Variants in DENND2C observed in about 807,000 individuals in gnomAD.
DENND2C encodes DENN domain-containing protein 2C.
A neutral mutation model predicts 112.4 loss-of-function variants in DENND2C; 72 were observed. The ratio of observed to expected loss-of-function variants is 0.64; its 90% confidence interval spans 0.53 to 0.78. The LOEUF is 0.78. DENND2C is among the 30% of genes least tolerant of loss of function. The pLI is 0.00. For missense variants in DENND2C, 992 were observed against 1,113.8 expected, an observed-to-expected ratio of 0.89 and a Z score of 1.56; for synonymous variants, 329 against 381.6, an observed-to-expected ratio of 0.86 and a Z score of 1.61.
chr1:114,605,369 C>G (rs774844050), intron 10 of DENND2C, among the ~76,000 whole-genome samples: 3 of 152,150 alleles, frequency 2.0e-5, no homozygotes, highest in Non-Finnish European at 2.9e-5. Flanking sequence ...TAAATGGGAA[C>G]CCAGTATTTT....
At chr1:114,652,875 C>T (rs1388978417) in intron 2 of DENND2C, among the ~76,000 whole-genome samples, 5 of 151,614 alleles carry the variant, frequency 3.3e-5, no homozygotes, top group African/African-American at 1.2e-4. Context: ...CTCGAGATTA[C>T]TTATAATACC....
rs972805247 is a variant in DENND2C at position 114,645,559 on chromosome 1, A to T, written c.-316T>A. On this transcript the variant is annotated splice_region_variant and 5_prime_UTR_variant, in exon 3 of 21. Transcript: ENST00000393274. ...TATTTGGTTATGGTAGACCTAGCAA[A>T]CTAATACAAAAGGCCACAGTAATAG... The T allele has an allele frequency of 3.3e-5, 5 of 152,222 alleles. No homozygotes were observed. Among genetic ancestry groups the T allele is most frequent in the Non-Finnish European group, 7.3e-5 (5 of 68,042 alleles). The allele number at this position is 152,222 out of a possible 1,614,324, so 9.4% of individuals were successfully genotyped here.
chr1:114,633,080 CAAGGCATA>C (rs1361783220), intron 3 of DENND2C, among the ~76,000 whole-genome samples: 1 of 152,046 alleles, frequency 6.6e-6, no homozygotes, highest in Non-Finnish European at 1.5e-5. Flanking sequence ...AAATGTAAGA[CAAGGCATA>C]AAGGTAGGGA....
chr1:114,614,681 G>A (rs1014862403), intron 8 of DENND2C, among the ~76,000 whole-genome samples: 5 of 152,022 alleles, frequency 3.3e-5, no homozygotes, highest in Admixed American at 6.6e-5. Flanking sequence ...AATCCATAAG[G>A]CATAGACATA....
At chr1:114,597,617 A>G (rs544301331) in intron 16 of DENND2C, among the ~76,000 whole-genome samples, 1 of 152,190 alleles carries the variant, frequency 6.6e-6, no homozygotes, top group South Asian at 2.1e-4. Flanking sequence ...CCCCGTCTCT[A>G]CTAAAAATAC....
chr1:114,636,127 C>T (rs919611766), intron 3 of DENND2C, among the ~76,000 whole-genome samples: 4 of 151,388 alleles, frequency 2.6e-5, no homozygotes, highest in Non-Finnish European at 4.4e-5. Context: ...TTAAAAGTCA[C>T]CATGTTTATG....
chr1:114,602,072 T>C, intron 12 of DENND2C, 53 bp downstream of exon 12: 5 of 1,569,382 alleles, frequency 3.2e-6, no homozygotes, highest in Admixed American at 3.4e-5. Context: ...GTTCCTACTC[T>C]GACTCAATTA....
At chr1:114,631,869 G>A (rs1218797845) in intron 3 of DENND2C, among the ~76,000 whole-genome samples, 1 of 152,106 alleles carries the variant, frequency 6.6e-6, no homozygotes, top group Non-Finnish European at 1.5e-5. Flanking sequence ...TTGGCAGACA[G>A]GGACTTCAAT....
At chr1:114,629,507 G>A (rs1263302036) in intron 3 of DENND2C, among the ~76,000 whole-genome samples, 1 of 152,146 alleles carries the variant, frequency 6.6e-6, no homozygotes, top group Non-Finnish European at 1.5e-5. Flanking sequence ...TCGAACTCCT[G>A]ACCTCAGGTG....
chr1:114,623,838 C>T lies in DENND2C; in HGVS notation c.807-195G>A, dbSNP rs369892086. Among the ~76,000 whole-genome samples, 196 of 152,124 alleles carry T rather than the reference C, an allele frequency of 1.3e-3. 1 individual carries two copies. The highest frequency in any genetic ancestry group is 4.3e-3 in the African/African-American group (178 of 41,498). On this transcript the variant is annotated intron_variant, in intron 4 of 20. Coordinates refer to ENST00000393274, the MANE Select transcript of DENND2C (RefSeq NM_001256404.2). ...GAAACCTCTGCCTCCCAGGTTCAAG[C>T]GATTCTACATTGCTGTAGGGATGTT...
Position 114,587,859 on chromosome 1 carries a change from C to G in DENND2C, c.2525G>C (p.Arg842Pro). ...HYSLNMTVTE[R>P]GERVFQREPF... ...TTCCCTTTGGAAAACACGCTCCCCA[C>G]GCTCAGTGACAGTCATGTTCAAAGA... The change falls in exon 19 of 21, where the codon CGT (arginine) becomes CCT (proline). Residue 842 changes from arginine (R) to proline (P), a missense_variant. Physicochemically the swap from Arg to Pro is moderately radical, Grantham distance 103 (BLOSUM62 -2). Transcript: ENST00000393274. The G allele has an allele frequency of 6.2e-7, 1 of 1,614,088 alleles. No homozygotes were observed. Among genetic ancestry groups the G allele is most frequent in the Non-Finnish European group, 8.5e-7 (1 of 1,180,006 alleles).
At chr1:114,601,627 T>C in intron 12 of DENND2C, 42 bp from the exon 13 acceptor site, 1 of 1,528,882 alleles carries the variant, frequency 6.5e-7, no homozygotes, top group Non-Finnish European at 9.0e-7. Flanking sequence ...TCAAGCCGCA[T>C]ACATTTTTAT....
chr1:114,615,797 C>T (rs544308643), intron 8 of DENND2C, among the ~76,000 whole-genome samples: 72 of 152,212 alleles, frequency 4.7e-4, no homozygotes, highest in African/African-American at 1.6e-3. Context: ...GGCTGGGGGC[C>T]GGGCGCAGTG....
At chr1:114,632,411 A>G (rs1316593777) in intron 3 of DENND2C, among the ~76,000 whole-genome samples, 3 of 152,006 alleles carry the variant, frequency 2.0e-5, no homozygotes, top group Non-Finnish European at 4.4e-5. Context: ...GAAGTCAGAG[A>G]AAAAAAATAT....
chr1:114,622,646 T>C (rs1656197260), intron 6 of DENND2C, among the ~76,000 whole-genome samples: 1 of 152,108 alleles, frequency 6.6e-6, no homozygotes, highest in South Asian at 2.1e-4. Flanking sequence ...CCTTTGCTTC[T>C]AGGCGTCTCA....
intron 20 of DENND2C, among the ~76,000 whole-genome samples, chr1:114,586,391 C>A (rs945600882): frequency 1.3e-5 from 2 of 151,940 alleles, no homozygotes; most frequent in African/African-American, 4.8e-5. Context: ...GGAAAAAGGA[C>A]CATGGTTTTT....
chr1:114,638,782 G>GAAAAAAAAAAAAAAAAAAAAGAA (rs1656727500), intron 3 of DENND2C, among the ~76,000 whole-genome samples: 1 of 132,784 alleles, frequency 7.5e-6, no homozygotes. Flanking sequence ...AAAAAAAAGA[G>GAAAAAAAAAAAAAAAAAAAAGAA]AAAAAAGAAA....
At chr1:114,668,553 A>ACACACACACC (rs372707000) in intron 1 of DENND2C, among the ~76,000 whole-genome samples, 10 of 148,614 alleles carry the variant, frequency 6.7e-5, no homozygotes, top group African/African-American at 2.5e-4. Flanking sequence ...ACACACACAC[A>ACACACACACC]CCCCAACTAA....
chr1:114,600,973 A>T lies in DENND2C; in HGVS notation c.1816-13T>A. The T allele has an allele frequency of 6.2e-7, 1 of 1,607,460 alleles. No homozygotes were observed. Among genetic ancestry groups the T allele is most frequent in the Non-Finnish European group, 8.5e-7 (1 of 1,176,912 alleles). ...CTTCATCCAGAATCTATATACGCAA[A>T]GTGTTATTTTATTATGGACTAAGTT... On this transcript the variant is annotated splice_polypyrimidine_tract_variant and intron_variant, in intron 13 of 20. Coordinates refer to ENST00000393274, the MANE Select transcript of DENND2C (RefSeq NM_001256404.2).
Sources: allele counts gnomAD v4.1 joint callset (sites outside exome capture counted in the v4.1 genomes callset), GRCh38; gene constraint gnomAD v4.1.1; transcripts MANE v1.5; gene names NCBI Gene and HGNC (gene_info 2026-07-23, HGNC 2026-07-21).